The following ARHGAP39 variants were observed in gnomAD, a reference collection of about 807,000 sequenced individuals.
The protein encoded by ARHGAP39 is rho GTPase-activating protein 39.
ARHGAP39 carries 44 observed loss-of-function variants against 106.9 expected under a neutral mutation model. The ratio of observed to expected loss-of-function variants is 0.41; its 90% CI spans 0.32 to 0.53. The LOEUF is 0.53. Ranked by LOEUF, ARHGAP39 falls within the 20% of genes least tolerant of loss-of-function variation. ARHGAP39 has a pLI of 0.21. For missense variants in ARHGAP39, 1,496 were observed against 1,577.3 expected, an observed-to-expected ratio of 0.95 and a Z score of 0.87; for synonymous variants, 768 against 693.2, an observed-to-expected ratio of 1.11 and a Z score of -1.69.
chr8:144,545,175 T>G, intron 6 of ARHGAP39, 74 bp downstream of exon 6: 1 of 1,350,268 alleles, frequency 7.4e-7, no homozygotes, highest in Admixed American at 2.5e-5. Flanking sequence ...CTTCACCAGC[T>G]GCCGCCCAGC....
intron 1 of ARHGAP39, among the ~76,000 whole-genome samples, chr8:144,664,075 G>A (rs1046631689): frequency 6.6e-6 from 1 of 152,114 alleles, no homozygotes; most frequent in Non-Finnish European, 1.5e-5. Flanking sequence ...GCTGAGGTGG[G>A]AGAATTGCTT....
chr8:144,686,973 C>A (rs1822612035), upstream of ARHGAP39, among the ~76,000 whole-genome samples: 1 of 94,566 alleles, frequency 1.1e-5, no homozygotes, highest in African/African-American at 5.3e-5. Context: ...GCGAGCACTT[C>A]CCACCCCCGT....
chr8:144,596,813 C>A (rs1268010358), intron 2 of ARHGAP39, among the ~76,000 whole-genome samples: 2 of 152,216 alleles, frequency 1.3e-5, no homozygotes, highest in Admixed American at 1.3e-4. Context: ...GGAGCGGCCA[C>A]CATGATAGAT....
chr8:144,606,730 C>T (rs1446759320), intron 1 of ARHGAP39, among the ~76,000 whole-genome samples: 1 of 151,986 alleles, frequency 6.6e-6, no homozygotes, highest in Non-Finnish European at 1.5e-5. Flanking sequence ...CTAAGTTGTT[C>T]AAGGGTCAAG....
At chr8:144,673,545 C>A (rs1028835983) in intron 1 of ARHGAP39, among the ~76,000 whole-genome samples, 3 of 152,338 alleles carry the variant, frequency 2.0e-5, no homozygotes, top group Admixed American at 1.3e-4. Flanking sequence ...TGGCTGTCAT[C>A]CCCTAGCCCT....
At chr8:144,697,202 C>G in the ARHGAP39 span, among the ~76,000 whole-genome samples, 1 of 151,634 alleles carries the variant, frequency 6.6e-6, no homozygotes, top group Admixed American at 6.6e-5. Context: ...TGGCATGCGC[C>G]TGTAGTTCCA....
At chr8:144,658,434 C>T (rs1821749327) in intron 1 of ARHGAP39, among the ~76,000 whole-genome samples, 1 of 152,170 alleles carries the variant, frequency 6.6e-6, no homozygotes, top group African/African-American at 2.4e-5. Flanking sequence ...GCCACCATGC[C>T]CAGCTAATTT....
At chr8:144,619,520 G>A (rs1439195773) in intron 1 of ARHGAP39, among the ~76,000 whole-genome samples, 2 of 152,040 alleles carry the variant, frequency 1.3e-5, no homozygotes, top group African/African-American at 2.4e-5. Context: ...CTGAGAAAGC[G>A]TGTGTGCCTG....
At chr8:144,544,531 G>A (rs905064870) in intron 6 of ARHGAP39, among the ~76,000 whole-genome samples, 1 of 152,216 alleles carries the variant, frequency 6.6e-6, no homozygotes, top group Non-Finnish European at 1.5e-5. Flanking sequence ...TTCTGTGGCT[G>A]TGCCCTGTAG....
intron 2 of ARHGAP39, among the ~76,000 whole-genome samples, chr8:144,595,567 G>C (rs1226445754): frequency 6.6e-6 from 1 of 152,236 alleles, no homozygotes; most frequent in African/African-American, 2.4e-5. Flanking sequence ...AAGGGAGTCT[G>C]GCAGGTGAGG....
chr8:144,600,212 T>G (rs373678811), intron 2 of ARHGAP39, among the ~76,000 whole-genome samples: 3,310 of 130,112 alleles, frequency 0.025, 54 homozygotes, highest in Middle Eastern at 0.057. Flanking sequence ...TGCGTGTGTG[T>G]GGGGGGCATG....
At position 144,555,307 on chromosome 8, in the gene ARHGAP39, G is replaced by A. The variant is rs537197898; in HGVS notation, c.596+253C>T. Among the ~76,000 whole-genome samples the A allele has an allele frequency of 3.3e-5, 5 of 152,390 alleles. 1 individual carries two copies. The South Asian group carries it at 1.0e-3, about 32-fold the overall frequency. On this transcript the variant is annotated intron_variant, in intron 4 of 11. Transcript: ENST00000377307. The stretch of plus-strand genomic sequence containing the variant: ...ACTCTGCTGCTCCACCAGGGGCTGA[G>A]GGAAGCACCGCAGGCTCCAGGCTGC...
chr8:144,668,974 G>C (rs1246473016), intron 1 of ARHGAP39, among the ~76,000 whole-genome samples: 1 of 151,990 alleles, frequency 6.6e-6, no homozygotes, highest in Non-Finnish European at 1.5e-5. Context: ...CAGATACACA[G>C]GACAACAGCA....
At chr8:144,619,685 T>G (rs941625728) in intron 1 of ARHGAP39, among the ~76,000 whole-genome samples, 6 of 150,030 alleles carry the variant, frequency 4.0e-5, no homozygotes, top group Non-Finnish European at 7.4e-5. Context: ...CGTATGCCTG[T>G]GTGCATGAGA....
intron 1 of ARHGAP39, among the ~76,000 whole-genome samples, chr8:144,616,453 G>A (rs1456843974): frequency 6.6e-6 from 1 of 152,236 alleles, no homozygotes; most frequent in Non-Finnish European, 1.5e-5. Flanking sequence ...GGCACTACAA[G>A]GGTCAGACCC....
chr8:144,603,203 G>A (rs1018864757), intron 2 of ARHGAP39, among the ~76,000 whole-genome samples: 4 of 148,440 alleles, frequency 2.7e-5, no homozygotes, highest in Non-Finnish European at 5.9e-5. Flanking sequence ...GTGGAGGCGT[G>A]TGTGTGCTCA....
intron 2 of ARHGAP39, among the ~76,000 whole-genome samples, chr8:144,582,101 T>TGCGACAGG (rs1225150189): frequency 6.6e-6 from 1 of 151,480 alleles, no homozygotes; most frequent in African/African-American, 2.5e-5. Context: ...GGGTCTCGTT[T>TGCGACAGG]CCAGGGAAAA....
Position 144,561,796 on chromosome 8 carries a change from G to GGACTTACCCCAGTGGTTTCCATCA in ARHGAP39, c.513-6154_513-6153insTGATGGAAACCACTGGGGTAAGTC. Among the ~76,000 whole-genome samples, 1,200 of 126,774 alleles carry GGACTTACCCCAGTGGTTTCCATCA rather than the reference G, an allele frequency of 9.5e-3. 83 individuals carry two copies. Among genetic ancestry groups the GGACTTACCCCAGTGGTTTCCATCA allele is most frequent in the African/African-American group, 0.042 (1,132 of 26,938 alleles). 83.2% of individuals were successfully genotyped at this position (126,774 alleles called of 152,430 possible). A position where few individuals can be genotyped will look rare whatever the true frequency, so the allele number is the denominator to read the frequency against. ...CGGACTTACTCCAGTGGTTTCCATC[G>GGACTTACCCCAGTGGTTTCCATCA]GACCCCAGTGCTTTCCATCACATCC... On this transcript the variant is annotated intron_variant, in intron 3 of 11. Transcript: ENST00000377307.
intron 1 of ARHGAP39, among the ~76,000 whole-genome samples, chr8:144,668,782 G>GA (rs1441800212): frequency 2.6e-5 from 4 of 151,804 alleles, no homozygotes; most frequent in South Asian, 2.1e-4. Context: ...CAAGCTTGCT[G>GA]AAAAAAAACA....
Sources: gnomAD v4.1 joint callset for allele counts (sites outside exome capture counted in the v4.1 genomes callset) on GRCh38, gnomAD v4.1.1 for gene constraint, MANE v1.5 for transcripts, NCBI Gene and HGNC (gene_info 2026-07-23, HGNC 2026-07-21) for gene names.